PRDM5: variants seen among roughly 807,000 people sequenced by gnomAD.
The protein encoded by PRDM5 is PR domain zinc finger protein 5.
A neutral mutation model predicts 81.2 loss-of-function variants in PRDM5; 56 were observed. The observed-to-expected ratio is 0.69, with a 90% CI of 0.56 to 0.86. PRDM5 has a LOEUF of 0.86. Ranked by LOEUF, PRDM5 falls within the 40% of genes least tolerant of loss-of-function variation. The pLI is 0.00. For missense variants in PRDM5, 697 were observed against 770.1 expected, an observed-to-expected ratio of 0.91 and a Z score of 1.12; for synonymous variants, 267 against 256.4, an observed-to-expected ratio of 1.04 and a Z score of -0.39.
chr4:120,831,734 C>G (rs1397234692), intron 3 of PRDM5, among the ~76,000 whole-genome samples: 1 of 152,030 alleles, frequency 6.6e-6, no homozygotes, highest in Non-Finnish European at 1.5e-5. Flanking sequence ...AAAAATATGA[C>G]AGCAAATGCT....
chr4:120,921,104 A>AT (rs1208461138), intron 1 of PRDM5, among the ~76,000 whole-genome samples: 2 of 152,208 alleles, frequency 1.3e-5, no homozygotes, highest in African/African-American at 2.4e-5. Flanking sequence ...AAATAAAATG[A>AT]TTTTTAAGAT....
chr4:120,859,493 G>C (rs989704744), intron 2 of PRDM5, among the ~76,000 whole-genome samples: 5 of 152,076 alleles, frequency 3.3e-5, no homozygotes, highest in African/African-American at 9.7e-5. Context: ...CCAAAGTGCT[G>C]GGATTACAGG....
chr4:120,839,360 A>G (rs1171885058), intron 3 of PRDM5: 3 of 692,620 alleles, frequency 4.3e-6, no homozygotes, highest in Admixed American at 4.0e-5. Context: ...AACAGCTCAG[A>G]GGAAACCTGC....
intron 1 of PRDM5, among the ~76,000 whole-genome samples, chr4:120,922,183 G>A (rs1351690237): frequency 6.6e-6 from 1 of 152,222 alleles, no homozygotes; most frequent in African/African-American, 2.4e-5. Flanking sequence ...AACCGAGGAA[G>A]AGGGAGGCTC....
chr4:120,701,177 C>T (rs2088271), intron 15 of PRDM5, among the ~76,000 whole-genome samples: 6,611 of 149,846 alleles, frequency 0.044, 260 homozygotes, highest in African/African-American at 0.11. Context: ...AAAAAAACAA[C>T]AGATGCTGGT....
chr4:120,869,847 T>C (rs976527246), intron 2 of PRDM5, among the ~76,000 whole-genome samples: 3 of 152,210 alleles, frequency 2.0e-5, no homozygotes, highest in Non-Finnish European at 4.4e-5. Flanking sequence ...GAATCTCTGT[T>C]AGCACTCATG....
At chr4:120,795,904 C>T (rs2203059) in intron 10 of PRDM5, among the ~76,000 whole-genome samples, 30,319 of 152,156 alleles carry the variant, frequency 0.2, 3,682 homozygotes, top group Non-Finnish European at 0.28. Context: ...CAGAGTGAGA[C>T]TCTATTTCAA....
intron 2 of PRDM5, among the ~76,000 whole-genome samples, chr4:120,859,385 A>T (rs1397968125): frequency 6.8e-6 from 1 of 147,758 alleles, no homozygotes; most frequent in Non-Finnish European, 1.5e-5. Context: ...TTGCCCGGCT[A>T]ATAATTTTAT....
chr4:120,709,553 T>C (rs1736655618), intron 15 of PRDM5, among the ~76,000 whole-genome samples: 1 of 152,208 alleles, frequency 6.6e-6, no homozygotes, highest in Admixed American at 6.5e-5. Context: ...GACATGATGA[T>C]GGATCTAAGT....
intron 3 of PRDM5, among the ~76,000 whole-genome samples, chr4:120,832,102 T>C (rs1008290269): frequency 2.6e-5 from 4 of 152,116 alleles, no homozygotes; most frequent in Non-Finnish European, 5.9e-5. Flanking sequence ...ACCCAAATTC[T>C]ATTAGTCCAT....
In PRDM5 at chr4:120,793,662, G is replaced by C. The variant is rs577254386; in HGVS notation, c.1188+4605C>G. 1.3e-4 allele frequency among the ~76,000 whole-genome samples: 20 copies of C among 152,272 alleles called. No homozygotes were observed. In the South Asian group the frequency reaches 3.3e-3, roughly 25 times the overall value. On this transcript the variant is annotated intron_variant, in intron 10 of 15. Coordinates refer to ENST00000264808, the MANE Select transcript of PRDM5 (RefSeq NM_018699.4). ...TTATTTTAATTGACAAATAAAAATT[G>C]TATCTATATGGTGTATGACATGTTT...
chr4:120,736,936 G>T (rs1741203239), intron 14 of PRDM5, among the ~76,000 whole-genome samples: 1 of 152,114 alleles, frequency 6.6e-6, no homozygotes, highest in South Asian at 2.1e-4. Context: ...AAATGAGGTG[G>T]GTTTTAATCT....
intron 14 of PRDM5, among the ~76,000 whole-genome samples, chr4:120,747,177 C>T (rs906796431): frequency 1.2e-4 from 18 of 150,104 alleles, no homozygotes; most frequent in African/African-American, 2.5e-4. Context: ...AGTAAACTAT[C>T]GCAAGAACAA....
chr4:120,833,745 G>A (rs1404230046), intron 3 of PRDM5, among the ~76,000 whole-genome samples: 5 of 152,018 alleles, frequency 3.3e-5, no homozygotes, highest in Non-Finnish European at 1.5e-5. Flanking sequence ...AATCAGACTT[G>A]GTACTATCCA....
Position 120,849,837 on chromosome 4 carries a change from C to T in PRDM5, c.300+3581G>A, listed in dbSNP as rs190919013. Among the ~76,000 whole-genome samples the T allele has an allele frequency of 4.6e-5, 7 of 152,090 alleles. No homozygotes were observed. In the East Asian group the frequency reaches 1.4e-3, roughly 29 times the overall value. ...TAAGAATCACCCACTTCCTATGGAG[C>T]TTAAGGATATTTTAGTTCATTTTAA... On this transcript the variant is annotated intron_variant, in intron 3 of 15. Coordinates refer to ENST00000264808, the MANE Select transcript of PRDM5 (RefSeq NM_018699.4).
At chr4:120,906,273 T>C (rs1765781603) in intron 2 of PRDM5, among the ~76,000 whole-genome samples, 1 of 152,210 alleles carries the variant, frequency 6.6e-6, no homozygotes, top group Non-Finnish European at 1.5e-5. Flanking sequence ...CTGGCTTGTA[T>C]AGATACATTG....
At chr4:120,864,102 ACT>A (rs1419925854) in intron 2 of PRDM5, among the ~76,000 whole-genome samples, 2 of 152,166 alleles carry the variant, frequency 1.3e-5, no homozygotes, top group Non-Finnish European at 2.9e-5. Flanking sequence ...AAGGGTGGAA[ACT>A]CTGCCAAATC....
intron 11 of PRDM5, 49 bp from the exon 12 acceptor site, chr4:120,781,352 A>T (rs756517674): frequency 1.3e-6 from 2 of 1,536,104 alleles, no homozygotes; most frequent in South Asian, 2.3e-5. Context: ...GGTCCTATTA[A>T]TTTCCTCCCA....
chr4:120,825,776 T>G (rs1464476948), intron 3 of PRDM5, among the ~76,000 whole-genome samples: 1 of 152,174 alleles, frequency 6.6e-6, no homozygotes. Context: ...GCCCTGGATC[T>G]CCTGTTGTCA....
Sources: gnomAD v4.1 joint callset for allele counts (sites outside exome capture counted in the v4.1 genomes callset) on GRCh38, gnomAD v4.1.1 for gene constraint, MANE v1.5 for transcripts, NCBI Gene and HGNC (gene_info 2026-07-23, HGNC 2026-07-21) for gene names.